The following ANKAR variants were observed in gnomAD, a reference collection of about 807,000 sequenced individuals.
ANKAR encodes the protein ankyrin and armadillo repeat containing, also known as ankyrin and armadillo repeat-containing protein.
Under a neutral mutation model 146.2 loss-of-function variants are expected in ANKAR, and 136 were observed. That is an observed-to-expected ratio of 0.93 (90% CI 0.81 to 1.07). The LOEUF (loss-of-function observed/expected upper bound fraction) is 1.07, where lower values mean the gene tolerates loss of function less well. Ranked by LOEUF, ANKAR falls within the 50% of genes least tolerant of loss-of-function variation. The pLI, the probability that ANKAR is intolerant of heterozygous loss-of-function variation, is 0.00. For synonymous variants in ANKAR, 500 were observed against 575.8 expected, an observed-to-expected ratio of 0.87 and a Z score of 1.88; for missense variants, 1,567 against 1,679.9, an observed-to-expected ratio of 0.93 and a Z score of 1.18.
chr2:189,676,705 T>A lies in ANKAR; in HGVS notation c.215T>A (p.Met72Lys). Residue 72 changes from methionine (M) to lysine (K), a missense_variant, in exon 2 of 23, where the codon ATG (methionine) becomes AAG (lysine). Physicochemically the swap from Met to Lys is moderately conservative, Grantham distance 95 (BLOSUM62 -1). Transcript: ENST00000684021. ...RSQVDLPCGIMSQMNNVGFST... is the reference protein window; with the variant it reads ...RSQVDLPCGIKSQMNNVGFST... ...CAAGTAGACCTCCCATGTGGAATTA[T>A]GAGTCAAATGAATAACGTAGGCTTC... is the stretch of plus-strand genomic sequence containing the variant. 1 of 1,614,220 alleles carries A rather than the reference T, an allele frequency of 6.2e-7. No homozygotes were observed.
At chr2:189,744,908 A>T in intron 22 of ANKAR, 120 bp downstream of exon 22, 1 of 725,472 alleles carries the variant, frequency 1.4e-6, no homozygotes, top group African/African-American at 1.8e-5. Context: ...CTGTAATCCC[A>T]GCACTTTGGG....
chr2:189,698,774 T>C (rs1031166302), intron 7 of ANKAR, among the ~76,000 whole-genome samples: 2 of 152,120 alleles, frequency 1.3e-5, no homozygotes, highest in African/African-American at 4.8e-5. Context: ...GAGCTATCCA[T>C]TGGCAGATAC....
chr2:189,743,312 C>T lies in ANKAR; in HGVS notation c.3848C>T (p.Thr1283Ile). ...AACSSALGYL[T>I]YNANAFRILL... ...TGTTCCTCTGCTCTTGGCTACTTAA[C>T]ATACAATGCAAATGCTTTCCGCATC... The change falls in exon 21 of 23, where the codon ACA becomes ATA. Residue 1283 changes from threonine (T) to isoleucine (I), a missense_variant. Coordinates refer to ENST00000684021, the MANE Select transcript of ANKAR (RefSeq NM_001378068.1). The T allele has an allele frequency of 6.2e-7, 1 of 1,614,028 alleles. No homozygotes were observed. Among genetic ancestry groups the T allele is most frequent in the Admixed American group, 1.7e-5 (1 of 60,020 alleles).
chr2:189,704,582 T>G (rs2038624144), intron 7 of ANKAR, among the ~76,000 whole-genome samples: 4 of 117,990 alleles, frequency 3.4e-5, no homozygotes, highest in Non-Finnish European at 7.1e-5. Context: ...TATATATATA[T>G]ATATATATAT....
intron 22 of ANKAR, 134 bp from the exon 23 acceptor site, chr2:189,746,246 A>T: frequency 9.2e-7 from 1 of 1,086,736 alleles, no homozygotes; most frequent in Non-Finnish European, 1.3e-6. Context: ...CTGACATCTA[A>T]ATGTCTGGAA....
chr2:189,754,866 T>C (rs1407678337), intron 18 of ANKAR: 2 of 338,298 alleles, frequency 5.9e-6, no homozygotes, highest in East Asian at 7.5e-5. Flanking sequence ...TTTACCTTTT[T>C]TGCAGTATGT....
intron 19 of ANKAR, 111 bp from the exon 20 acceptor site, chr2:189,741,231 A>G: frequency 1.6e-6 from 1 of 618,220 alleles, no homozygotes; most frequent in Admixed American, 3.3e-5. Context: ...TGCTTCATTG[A>G]CAGAGATGTC....
In ANKAR at chr2:189,682,154, T is replaced by C. The variant is rs114122370; in HGVS notation, c.601+5063T>C. Among the ~76,000 whole-genome samples the C allele has an allele frequency of 6.4e-3, 974 of 152,130 alleles. 17 individuals are homozygous for C. The highest frequency in any genetic ancestry group is 0.022 in the African/African-American group (930 of 41,494). On this transcript the variant is annotated intron_variant, in intron 2 of 22. Coordinates refer to ENST00000684021, the MANE Select transcript of ANKAR (RefSeq NM_001378068.1). ...AGATGAGCATCAAAACCATGCATGGTGGAATGTATCTTTATTCCCAGCTAC... is the reference window on the plus strand; with the variant it reads ...AGATGAGCATCAAAACCATGCATGGCGGAATGTATCTTTATTCCCAGCTAC...
chr2:189,705,231 C>A lies in ANKAR; in HGVS notation c.1910+7C>A. On this transcript the variant is annotated splice_region_variant and intron_variant, in intron 8 of 22. Transcript: ENST00000684021. ...AAGCTGAGGCAACAGCTGAGTAAGTCATTAAGCATTTATATCAGGTTGAGG... is the reference window on the plus strand; with the variant it reads ...AAGCTGAGGCAACAGCTGAGTAAGTAATTAAGCATTTATATCAGGTTGAGG... 6.2e-7 allele frequency: 1 copy of A among 1,612,926 alleles called. No homozygotes were observed. The highest frequency in any genetic ancestry group is 1.1e-5 in the South Asian group (1 of 90,952).
chr2:189,725,539 A>C (rs550617082), intron 12 of ANKAR, among the ~76,000 whole-genome samples: 1 of 152,302 alleles, frequency 6.6e-6, no homozygotes, highest in African/African-American at 2.4e-5. Context: ...ATCTATAGGC[A>C]TATCTATAGG....
At chr2:189,684,343 A>G (rs1418007018) in intron 2 of ANKAR, among the ~76,000 whole-genome samples, 3 of 151,902 alleles carry the variant, frequency 2.0e-5, no homozygotes, top group African/African-American at 2.4e-5. Context: ...TGCCTACTCT[A>G]TTTGGACTCT....
Position 189,690,037 on chromosome 2 carries a change from T to C in ANKAR, c.1039+73T>C. 3.5e-6 allele frequency: 4 copies of C among 1,139,060 alleles called. 1 individual carries two copies. The South Asian group carries it at 9.0e-5, about 26-fold the overall frequency. The allele number at this position is 1,139,060 out of a possible 1,614,324, so 70.6% of individuals were successfully genotyped here. On this transcript the variant is annotated intron_variant, in intron 3 of 22. Coordinates refer to ENST00000684021, the MANE Select transcript of ANKAR (RefSeq NM_001378068.1). ...ATATATGTTTAAATGCAATTTTGTT[T>C]CTAGTATATGGGTGCAGGCAGTAAC... is the stretch of plus-strand genomic sequence containing the variant.
At chr2:189,703,182 T>A (rs928695925) in intron 7 of ANKAR, among the ~76,000 whole-genome samples, 2 of 152,188 alleles carry the variant, frequency 1.3e-5, no homozygotes, top group African/African-American at 4.8e-5. Context: ...CCTGTCACTG[T>A]TCCTCATAAT....
intron 17 of ANKAR, among the ~76,000 whole-genome samples, chr2:189,735,010 A>AT (rs1205941844): frequency 1.9e-4 from 28 of 149,954 alleles, no homozygotes; most frequent in Non-Finnish European, 2.4e-4. Flanking sequence ...GAGTAAAAAA[A>AT]AATATATATA....
At chr2:189,750,449 T>TATAAAAA, downstream of ANKAR, 1 of 290,306 alleles carries the variant, frequency 3.4e-6, no homozygotes, top group East Asian at 5.6e-5. Context: ...AAACATCAAA[T>TATAAAAA]AGAAAAAAAA....
downstream of ANKAR, among the ~76,000 whole-genome samples, chr2:189,762,094 T>C (rs1251177158): frequency 1.3e-5 from 2 of 152,160 alleles, no homozygotes; most frequent in Non-Finnish European, 2.9e-5. Context: ...TCTTTCAAAA[T>C]AAAACTGGAT....
rs542000323 is a variant in ANKAR, at chr2:189,743,377, C to T, written c.3913C>T (p.Arg1305Cys). The T allele has an allele frequency of 6.8e-6, 11 of 1,613,754 alleles. No individual in the cohort carries two copies. The highest frequency in any genetic ancestry group is 5.0e-5 in the Admixed American group (3 of 59,990). ...ECRNKPNQFIRIKNNISRDAS... is the reference protein window; with the variant it reads ...ECRNKPNQFICIKNNISRDAS... Reference sequence around the variant, plus strand: ...CAGGAATAAACCTAATCAGTTCATTCGTATAAAAAATAATATCAGCAGAGA... The same window carrying T: ...CAGGAATAAACCTAATCAGTTCATTTGTATAAAAAATAATATCAGCAGAGA... The change falls in exon 21 of 23, where the codon CGT becomes TGT. Residue 1305 changes from arginine (R) to cysteine (C), a missense_variant. By Grantham distance (180) the Arg-to-Cys change is radical. Coordinates refer to ENST00000684021, the MANE Select transcript of ANKAR (RefSeq NM_001378068.1).
chr2:189,760,410 G>A (rs955738971), intron 18 of ANKAR, among the ~76,000 whole-genome samples: 10 of 152,278 alleles, frequency 6.6e-5, no homozygotes, highest in Admixed American at 2.0e-4. Context: ...CGGGGCGGCT[G>A]CTGGGCGGGG....
At chr2:189,749,778 T>G (rs1480828493), downstream of ANKAR, among the ~76,000 whole-genome samples, 6 of 152,182 alleles carry the variant, frequency 3.9e-5, no homozygotes, top group African/African-American at 1.4e-4. Flanking sequence ...AATAACATAT[T>G]ATGTTAGAGA....
Sources: gnomAD v4.1 joint callset for allele counts (sites outside exome capture counted in the v4.1 genomes callset) on GRCh38, gnomAD v4.1.1 for gene constraint, MANE v1.5 for transcripts, NCBI Gene and HGNC (gene_info 2026-07-23, HGNC 2026-07-21) for gene names.